AUTS2: variants seen among roughly 807,000 people sequenced by gnomAD.
The protein encoded by AUTS2 is activator of transcription and developmental regulator AUTS2.
In AUTS2, 17 loss-of-function variants were observed where a neutral mutation model predicts 112.4. The ratio of observed to expected loss-of-function variants is 0.15; its 90% confidence interval spans 0.10 to 0.23. AUTS2 has a LOEUF of 0.23. AUTS2 is among the 10% of genes least tolerant of loss of function. The pLI is 1.00. For missense variants in AUTS2, 1,510 were observed against 1,701.6 expected (o/e 0.89, Z 1.98); for synonymous variants, 751 against 702.7 (o/e 1.07, Z -1.09).
At chr7:70,596,805 G>C (rs1803235771) in intron 5 of AUTS2, 1 of 152,178 alleles carries the variant, frequency 6.6e-6, no homozygotes, top group Non-Finnish European at 1.5e-5. Context: ...ACCACGTAAG[G>C]ACTCTGATTC....
chr7:70,177,644 T>C (rs777385915), intron 4 of AUTS2, among the ~76,000 whole-genome samples: 8 of 152,180 alleles, frequency 5.3e-5, no homozygotes, highest in Non-Finnish European at 1.2e-4. Context: ...ACATTTGAAC[T>C]TGACAACCTA....
chr7:69,726,052 G>A (rs1338831160), intron 1 of AUTS2, among the ~76,000 whole-genome samples: 4 of 151,986 alleles, frequency 2.6e-5, no homozygotes, highest in African/African-American at 9.7e-5. Flanking sequence ...TTAGGATATT[G>A]TTTACATGCA....
intron 5 of AUTS2, among the ~76,000 whole-genome samples, chr7:70,485,989 A>AAAAT (rs1554409908): frequency 3.2e-4 from 46 of 145,746 alleles, no homozygotes; most frequent in South Asian, 4.4e-4. Context: ...CCTTAATTAA[A>AAAAT]AAATAAATAA....
chr7:70,353,432 A>G (rs889291953), intron 4 of AUTS2, among the ~76,000 whole-genome samples: 3 of 152,082 alleles, frequency 2.0e-5, no homozygotes, highest in Non-Finnish European at 2.9e-5. Flanking sequence ...TACTCAAGAG[A>G]AGATTGCTTA....
intron 2 of AUTS2, among the ~76,000 whole-genome samples, chr7:70,031,144 C>T (rs567578677): frequency 1.3e-5 from 2 of 152,214 alleles, no homozygotes; most frequent in South Asian, 2.1e-4. Context: ...ACTGTATTCC[C>T]ATTGTTTTAT....
chr7:70,778,914 C>A (rs556431388), intron 14 of AUTS2, among the ~76,000 whole-genome samples: 2 of 152,186 alleles, frequency 1.3e-5, no homozygotes, highest in Non-Finnish European at 2.9e-5. Context: ...GGATGTTGCA[C>A]GTGCCACTTT....
At chr7:70,342,269 A>G (rs977466963) in intron 4 of AUTS2, among the ~76,000 whole-genome samples, 2 of 151,370 alleles carry the variant, frequency 1.3e-5, no homozygotes, top group Non-Finnish European at 2.9e-5. Flanking sequence ...GATATTGTTC[A>G]TTTTTAACTG....
chr7:69,934,791 G>A (rs1369068064), intron 2 of AUTS2, among the ~76,000 whole-genome samples: 4 of 152,072 alleles, frequency 2.6e-5, no homozygotes, highest in Non-Finnish European at 5.9e-5. Context: ...AGATGCTGTC[G>A]TTGCCACCCC....
Position 70,379,304 on chromosome 7 carries a change from C to T in AUTS2, c.661-56448C>T, listed in dbSNP as rs887717824. Among the ~76,000 whole-genome samples, 65 of 152,120 alleles carry T rather than the reference C, an allele frequency of 4.3e-4. 1 individual carries two copies. Among genetic ancestry groups the T allele is most frequent in the African/African-American group, 1.5e-3 (62 of 41,500 alleles). Reference sequence around the variant, plus strand: ...TCACTTGCAGTTAGGAGTTCGAGACCGGCCTGGCCAACATGGTGAAACCCC... The same window carrying T: ...TCACTTGCAGTTAGGAGTTCGAGACTGGCCTGGCCAACATGGTGAAACCCC... On this transcript the variant is annotated intron_variant, in intron 4 of 18. Transcript: ENST00000342771.
chr7:69,728,680 C>CATT (rs527612491), intron 1 of AUTS2, among the ~76,000 whole-genome samples: 1 of 128,730 alleles, frequency 7.8e-6, no homozygotes, highest in African/African-American at 2.9e-5. Flanking sequence ...TTGCTTGTGG[C>CATT]TTTTTTTTTT....
chr7:69,787,541 A>T (rs1317983106), intron 1 of AUTS2, among the ~76,000 whole-genome samples: 1 of 152,048 alleles, frequency 6.6e-6, no homozygotes, highest in Non-Finnish European at 1.5e-5. Context: ...ACTAGCATTT[A>T]TTATAGTAGT....
chr7:70,632,845 C>A (rs1225257290), intron 5 of AUTS2, among the ~76,000 whole-genome samples: 1 of 152,072 alleles, frequency 6.6e-6, no homozygotes, highest in Non-Finnish European at 1.5e-5. Flanking sequence ...AGGACACAGA[C>A]CCCCACTGGT....
intron 1 of AUTS2, among the ~76,000 whole-genome samples, chr7:69,852,037 A>T (rs746422119): frequency 3.3e-5 from 5 of 152,222 alleles, no homozygotes; most frequent in Non-Finnish European, 5.9e-5. Context: ...GAGAGTGGAC[A>T]TGCTTGTCTT....
chr7:69,760,043 C>G (rs1788111976), intron 1 of AUTS2, among the ~76,000 whole-genome samples: 1 of 151,478 alleles, frequency 6.6e-6, no homozygotes, highest in African/African-American at 2.4e-5. Flanking sequence ...TTTCCACGAA[C>G]TTGCTAATTT....
At chr7:70,412,237 G>A (rs1794810282) in intron 4 of AUTS2, among the ~76,000 whole-genome samples, 1 of 152,070 alleles carries the variant, frequency 6.6e-6, no homozygotes, top group Admixed American at 6.6e-5. Flanking sequence ...GATAAATTTG[G>A]CCTTCAACAA....
intron 1 of AUTS2, among the ~76,000 whole-genome samples, chr7:69,605,285 C>T (rs1182844012): frequency 6.6e-6 from 1 of 152,166 alleles, no homozygotes; most frequent in Non-Finnish European, 1.5e-5. Flanking sequence ...GGAGCTGCTT[C>T]TTAAGCAGGA....
chr7:69,989,500 A>G (rs189316939), intron 2 of AUTS2, among the ~76,000 whole-genome samples: 3 of 151,294 alleles, frequency 2.0e-5, no homozygotes, highest in Admixed American at 6.6e-5. Flanking sequence ...GAGTTACGTA[A>G]TAAATATTTG....
chr7:70,375,142 T>G (rs1793026877), intron 4 of AUTS2, among the ~76,000 whole-genome samples: 1 of 152,186 alleles, frequency 6.6e-6, no homozygotes, highest in Admixed American at 6.5e-5. Context: ...GAGGGAGGGT[T>G]TATCCAAAAG....
At chr7:69,696,503 TC>T (rs1319840692) in intron 1 of AUTS2, among the ~76,000 whole-genome samples, 6 of 152,286 alleles carry the variant, frequency 3.9e-5, no homozygotes, top group African/African-American at 1.4e-4. Context: ...ACAAAATTGC[TC>T]CTCCCTCTTT....
Sources: gnomAD v4.1 joint callset for allele counts (sites outside exome capture counted in the v4.1 genomes callset) on GRCh38, gnomAD v4.1.1 for gene constraint, MANE v1.5 for transcripts, NCBI Gene and HGNC (gene_info 2026-07-23, HGNC 2026-07-21) for gene names.